ADAD1: variants seen among roughly 807,000 people sequenced by gnomAD.
The protein encoded by ADAD1 is adenosine deaminase domain containing 1.
Under a neutral mutation model 66.8 loss-of-function variants are expected in ADAD1, and 46 were observed. The observed-to-expected ratio is 0.69, with a 90% confidence interval of 0.54 to 0.88. The LOEUF (loss-of-function observed/expected upper bound fraction) is 0.88, where lower values mean the gene tolerates loss of function less well. Ranked by LOEUF, ADAD1 falls within the 40% of genes least tolerant of loss-of-function variation. The pLI is 0.00. For synonymous variants in ADAD1, 248 were observed against 229.4 expected (o/e 1.08, Z -0.73); for missense variants, 617 against 681.8 (o/e 0.91, Z 1.06).
intron 6 of ADAD1, among the ~76,000 whole-genome samples, chr4:122,395,879 T>C (rs1795686449): frequency 6.6e-6 from 1 of 152,196 alleles, no homozygotes; most frequent in Non-Finnish European, 1.5e-5. Context: ...ATTTTGGTTG[T>C]CACAATGATT....
intron 5 of ADAD1, among the ~76,000 whole-genome samples, chr4:122,385,746 A>G (rs1187172127): frequency 3.3e-5 from 5 of 151,880 alleles, no homozygotes; most frequent in Non-Finnish European, 7.4e-5. Context: ...CTCTGTGTCC[A>G]TGTGTTCTCA....
In ADAD1 at chr4:122,408,116, G is replaced by T. The variant is rs1245623126; in HGVS notation, c.848+85G>T. On this transcript the variant is annotated intron_variant, in intron 8 of 12. Transcript: ENST00000296513. ...CATATAAATGTCTTCATTTACAAAT[G>T]GAATTTTATTGATCATAGAGCCAAG... 7 of 1,376,212 alleles carry T rather than the reference G, an allele frequency of 5.1e-6. No homozygotes were observed. In the East Asian group the frequency reaches 1.3e-4, roughly 25 times the overall value. 85.3% of individuals were successfully genotyped at this position (1,376,212 alleles called of 1,614,324 possible).
chr4:122,418,467 C>T (rs45464403), intron 11 of ADAD1, among the ~76,000 whole-genome samples: 78 of 152,032 alleles, frequency 5.1e-4, no homozygotes, highest in Non-Finnish European at 6.6e-4. Flanking sequence ...AGACTACAGG[C>T]GCCCGCCACC....
intron 12 of ADAD1, among the ~76,000 whole-genome samples, chr4:122,424,162 TA>T (rs768334183): frequency 2.0e-5 from 3 of 152,182 alleles, no homozygotes; most frequent in Non-Finnish European, 2.9e-5. Flanking sequence ...ATTCACAGGT[TA>T]AACTAACGTT....
In ADAD1 at chr4:122,387,090, C is replaced by T. The variant is rs115168029; in HGVS notation, c.529+3124C>T. On this transcript the variant is annotated intron_variant, in intron 5 of 12. Transcript: ENST00000296513. ...CTGTGAAGAATGTCAATGGTAGTTG[C>T]GAAAGTAGCATTGAATCTATAAATT... is the stretch of plus-strand genomic sequence containing the variant. Among the ~76,000 whole-genome samples the T allele has an allele frequency of 7.4e-3, 1,120 of 150,496 alleles. 11 individuals are homozygous for T. Among genetic ancestry groups the T allele is most frequent in the South Asian group, 0.029 (139 of 4,742 alleles).
chr4:122,406,890 A>G (rs771302030), intron 7 of ADAD1, among the ~76,000 whole-genome samples: 2 of 152,152 alleles, frequency 1.3e-5, no homozygotes, highest in Non-Finnish European at 2.9e-5. Context: ...TTATCTTCAT[A>G]TAAGCCCCAT....
At chr4:122,384,830 T>C (rs1425354824) in intron 5 of ADAD1, among the ~76,000 whole-genome samples, 1 of 152,216 alleles carries the variant, frequency 6.6e-6, no homozygotes, top group Non-Finnish European at 1.5e-5. Context: ...TTTAACCATG[T>C]CTGCTGCCAC....
rs768192413 is a variant in ADAD1 at position 122,381,165 on chromosome 4, G to A, written c.346G>A (p.Glu116Lys). 7.1e-6 allele frequency: 11 copies of A among 1,559,078 alleles called. No individual in the cohort carries two copies. Among genetic ancestry groups the A allele is most frequent in the Non-Finnish European group, 9.4e-6 (11 of 1,164,380 alleles). Residue 116 changes from glutamate to lysine, a missense_variant, in exon 4 of 13, where the codon GAA becomes AAA. By Grantham distance (56) the Glu-to-Lys change is moderately conservative. Transcript: ENST00000296513. Reference protein sequence around the residue: ...QMQRVQLDLKETVTTGNVMGP... With the variant: ...QMQRVQLDLKKTVTTGNVMGP... ...GCAGCGAGTTCAGCTTGACCTTAAG[G>A]AAACTGTGACAACAGGCAAGTGTAA...
At chr4:122,410,430 CTTGAT>C (rs1263090700) in intron 8 of ADAD1, among the ~76,000 whole-genome samples, 11 of 151,906 alleles carry the variant, frequency 7.2e-5, no homozygotes, top group African/African-American at 2.7e-4. Flanking sequence ...AGTATTTGTC[CTTGAT>C]TTGATTAGTT....
chr4:122,423,799 T>C (rs1451824197), intron 12 of ADAD1, among the ~76,000 whole-genome samples: 1 of 152,176 alleles, frequency 6.6e-6, no homozygotes, highest in Non-Finnish European at 1.5e-5. Flanking sequence ...ATGAAATGTC[T>C]ATTATAGGCA....
At chr4:122,387,467 A>T (rs1402493058) in intron 5 of ADAD1, among the ~76,000 whole-genome samples, 5 of 152,138 alleles carry the variant, frequency 3.3e-5, no homozygotes, top group Non-Finnish European at 7.3e-5. Flanking sequence ...CTAAATACAA[A>T]ATCATGTCGT....
At chr4:122,406,751 C>T (rs1243429044) in intron 7 of ADAD1, among the ~76,000 whole-genome samples, 1 of 151,864 alleles carries the variant, frequency 6.6e-6, no homozygotes, top group Non-Finnish European at 1.5e-5. Flanking sequence ...CTGTCTTTGC[C>T]CAGGGCAGTG....
At chr4:122,386,034 T>A (rs915885259) in intron 5 of ADAD1, among the ~76,000 whole-genome samples, 7 of 152,210 alleles carry the variant, frequency 4.6e-5, no homozygotes, top group African/African-American at 1.7e-4. Context: ...GTAGAATGAT[T>A]TATATTCCTT....
At chr4:122,427,734 C>G (rs985473785) in intron 12 of ADAD1, among the ~76,000 whole-genome samples, 2 of 151,764 alleles carry the variant, frequency 1.3e-5, no homozygotes, top group South Asian at 4.2e-4. Flanking sequence ...TGGGGTTTCA[C>G]CATGTTGGCC....
chr4:122,397,123 G>A (rs1308401282), intron 7 of ADAD1, among the ~76,000 whole-genome samples: 2 of 152,166 alleles, frequency 1.3e-5, no homozygotes, highest in Non-Finnish European at 2.9e-5. Context: ...GAGGGAAGCA[G>A]CAGTGAGAAA....
Position 122,408,245 on chromosome 4 carries a change from T to C in ADAD1, c.848+214T>C, listed in dbSNP as rs1312070575. ...CTACCCTGTGGATTTTAGTGGCTTC[T>C]ATTATTAAGAACTGTGAACTCAGTT... On this transcript the variant is annotated intron_variant, in intron 8 of 12. Coordinates refer to ENST00000296513, the MANE Select transcript of ADAD1 (RefSeq NM_139243.4). 2.0e-5 allele frequency among the ~76,000 whole-genome samples: 3 copies of C among 152,194 alleles called. No homozygotes were observed. In the East Asian group the frequency reaches 5.8e-4, roughly 29 times the overall value.
intron 4 of ADAD1, among the ~76,000 whole-genome samples, chr4:122,383,059 A>G (rs1794981339): frequency 6.6e-6 from 1 of 152,232 alleles, no homozygotes; most frequent in African/African-American, 2.4e-5. Context: ...ACTAACAAGC[A>G]AAACCTCAAA....
intron 7 of ADAD1, among the ~76,000 whole-genome samples, chr4:122,406,341 T>G (rs983728853): frequency 2.6e-5 from 4 of 152,228 alleles, no homozygotes; most frequent in African/African-American, 9.6e-5. Context: ...CCTTTTCATA[T>G]ACCTGTTTGT....
intron 9 of ADAD1, among the ~76,000 whole-genome samples, chr4:122,411,885 A>G (rs980208788): frequency 2.6e-5 from 4 of 152,138 alleles, no homozygotes; most frequent in African/African-American, 9.7e-5. Context: ...ACTCCTTTCT[A>G]CTTTTAAGAC....
Sources: allele counts gnomAD v4.1 joint callset (sites outside exome capture counted in the v4.1 genomes callset), GRCh38; gene constraint gnomAD v4.1.1; transcripts MANE v1.5; gene names NCBI Gene and HGNC (gene_info 2026-07-23, HGNC 2026-07-21).